The following TFCP2 variants were observed in gnomAD, a reference collection of about 807,000 sequenced individuals.
The protein encoded by TFCP2 is transcription factor CP2.
TFCP2 carries 33 observed loss-of-function variants against 73.4 expected under a neutral mutation model. That is an observed-to-expected ratio of 0.45 (90% CI 0.34 to 0.60). The LOEUF (loss-of-function observed/expected upper bound fraction) is 0.60. Among genes scored for constraint, TFCP2 ranks in the 20% least tolerant of loss-of-function variants. TFCP2 has a pLI of 0.01. For missense variants in TFCP2, 352 were observed against 604.0 expected, an observed-to-expected ratio of 0.58 and a Z score of 4.37; for synonymous variants, 193 against 211.6, an observed-to-expected ratio of 0.91 and a Z score of 0.76.
chr12:51,168,958 C>T (rs888570862), intron 1 of TFCP2, among the ~76,000 whole-genome samples: 4 of 151,840 alleles, frequency 2.6e-5, no homozygotes, highest in East Asian at 3.9e-4. Context: ...TGCACCACCA[C>T]GCCCAACTAA....
chr12:51,115,320 C>T (rs1457698356), intron 4 of TFCP2, among the ~76,000 whole-genome samples: 1 of 151,986 alleles, frequency 6.6e-6, no homozygotes, highest in African/African-American at 2.4e-5. Context: ...CGGGGTTTCA[C>T]CATGTTAGCC....
intron 1 of TFCP2, among the ~76,000 whole-genome samples, chr12:51,167,575 T>G (rs1271107860): frequency 6.6e-6 from 1 of 151,910 alleles, no homozygotes; most frequent in African/African-American, 2.4e-5. Context: ...GTATTTTCAG[T>G]AGAGACAGGG....
Position 51,172,437 on chromosome 12 carries a change from T to C in TFCP2, c.-15A>G. ...GCCCAGGCCATCCTGGCTCCTTCCT[T>C]GCCCCAGGAGACACCGTGTCTTGTA... On this transcript the variant is annotated 5_prime_UTR_variant, in exon 1 of 15. Coordinates refer to ENST00000257915, the MANE Select transcript of TFCP2 (RefSeq NM_005653.5). 1 of 1,613,894 alleles carries C rather than the reference T, an allele frequency of 6.2e-7. No homozygotes were observed. Among genetic ancestry groups the C allele is most frequent in the East Asian group, 2.2e-5 (1 of 44,880 alleles).
intron 2 of TFCP2, 54 bp from the exon 3 acceptor site, chr12:51,117,801 T>C: frequency 1.6e-6 from 2 of 1,260,254 alleles, no homozygotes; most frequent in East Asian, 4.7e-5. Context: ...CTTTGCTAGA[T>C]TCGGAAAGAA....
rs746185739 is a variant in TFCP2 at position 51,110,976 on chromosome 12, C to T, written c.465G>A (p.Pro155=). 5.0e-6 allele frequency: 8 copies of T among 1,610,828 alleles called. No individual in the cohort carries two copies. Among genetic ancestry groups the T allele is most frequent in the Admixed American group, 1.7e-5 (1 of 59,992 alleles). Residue 155 remains proline (P), a synonymous_variant, in exon 5 of 15, where the codon CCG becomes CCA. Transcript: ENST00000257915. ...TAGGATCGATTATACCCACAGACATCGGGATATCTGAGAAACAAAATGGTA... is the reference window on the plus strand; with the variant it reads ...TAGGATCGATTATACCCACAGACATTGGGATATCTGAGAAACAAAATGGTA... ...PGDRILDIDI[P]MSVGIIDPRA...
rs1270085703 is a variant in TFCP2 at position 51,099,670 on chromosome 12, T to C, written c.1261A>G (p.Asn421Asp). The C allele has an allele frequency of 3.7e-6, 6 of 1,614,166 alleles. No homozygotes were observed. The highest frequency in any genetic ancestry group is 2.2e-5 in the South Asian group (2 of 91,080). Reference protein sequence around the residue: ...QQQKHEDGDSNGTFFVYHAIY... With the variant: ...QQQKHEDGDSDGTFFVYHAIY... ...AACAACCTACCGAAGAAAGTACCAT[T>C]TGAGTCTCCATCCTCATGCTTCTGC... Residue 421 changes from asparagine (N) to aspartate (D), a missense_variant, in exon 12 of 15, where the codon AAT (asparagine) becomes GAT (aspartate). Asn to Asp is a conservative substitution (Grantham distance 23). Transcript: ENST00000257915.
intron 1 of TFCP2, among the ~76,000 whole-genome samples, chr12:51,171,622 C>T (rs1175599390): frequency 2.0e-5 from 3 of 152,212 alleles, no homozygotes; most frequent in African/African-American, 4.8e-5. Context: ...AAGTGATCCG[C>T]CCGCCTCAGC....
chr12:51,140,231 G>A lies in TFCP2; in HGVS notation c.123-21459C>T, dbSNP rs534691186. ...TTTGCACAACTCATACTAATAAAATGATAGTATTGATTAACTATGATTTCA... is the reference window on the plus strand; with the variant it reads ...TTTGCACAACTCATACTAATAAAATAATAGTATTGATTAACTATGATTTCA... On this transcript the variant is annotated intron_variant, in intron 1 of 14. Coordinates refer to ENST00000257915, the MANE Select transcript of TFCP2 (RefSeq NM_005653.5). 7.9e-5 allele frequency among the ~76,000 whole-genome samples: 12 copies of A among 152,082 alleles called. No homozygotes were observed. The East Asian group carries it at 2.3e-3, about 29-fold the overall frequency.
At chr12:51,137,877 G>A (rs1941096719) in intron 1 of TFCP2, among the ~76,000 whole-genome samples, 1 of 152,146 alleles carries the variant, frequency 6.6e-6, no homozygotes, top group Admixed American at 6.5e-5. Context: ...ATAGTGCTGA[G>A]CCTCAAAGCT....
At chr12:51,171,376 T>C (rs1165371468) in intron 1 of TFCP2, among the ~76,000 whole-genome samples, 6 of 152,092 alleles carry the variant, frequency 3.9e-5, no homozygotes, top group Non-Finnish European at 7.4e-5. Context: ...GGAGTTTTTG[T>C]TTTGTTTTGC....
intron 6 of TFCP2, among the ~76,000 whole-genome samples, chr12:51,108,456 A>G (rs982379769): frequency 6.6e-6 from 1 of 152,052 alleles, no homozygotes; most frequent in African/African-American, 2.4e-5. Flanking sequence ...CAATGAGAAC[A>G]TATTTATTCA....
chr12:51,153,966 G>C (rs1366152144), intron 1 of TFCP2, among the ~76,000 whole-genome samples: 1 of 152,170 alleles, frequency 6.6e-6, no homozygotes, highest in Non-Finnish European at 1.5e-5. Flanking sequence ...TTTCCACAGT[G>C]AATGCACCAT....
intron 4 of TFCP2, among the ~76,000 whole-genome samples, chr12:51,113,983 A>C (rs1211836196): frequency 6.6e-6 from 1 of 152,124 alleles, no homozygotes; most frequent in Non-Finnish European, 1.5e-5. Context: ...TAAAACTATA[A>C]AACTCTTAGG....
At chr12:51,145,677 G>A (rs535881939) in intron 1 of TFCP2, among the ~76,000 whole-genome samples, 65 of 151,954 alleles carry the variant, frequency 4.3e-4, no homozygotes, top group African/African-American at 1.5e-3. Context: ...GCCAGGCATG[G>A]TGGCTAATGC....
chr12:51,140,370 C>T (rs1318493663), intron 1 of TFCP2, among the ~76,000 whole-genome samples: 1 of 151,666 alleles, frequency 6.6e-6, no homozygotes, highest in African/African-American at 2.4e-5. Context: ...TCAACACCAG[C>T]CTGAGTAATA....
chr12:51,149,180 C>G (rs1941368024), intron 1 of TFCP2, among the ~76,000 whole-genome samples: 1 of 151,914 alleles, frequency 6.6e-6, no homozygotes, highest in South Asian at 2.1e-4. Context: ...AATGGAAAAC[C>G]AAACATCGTA....
At chr12:51,132,434 T>C (rs1415398473) in intron 1 of TFCP2, among the ~76,000 whole-genome samples, 2 of 135,210 alleles carry the variant, frequency 1.5e-5, no homozygotes, top group South Asian at 5.1e-4. Context: ...AGTGGTGCCA[T>C]CTCGGCTCAC....
At chr12:51,162,537 T>C (rs1448891660) in intron 1 of TFCP2, among the ~76,000 whole-genome samples, 2 of 152,166 alleles carry the variant, frequency 1.3e-5, no homozygotes, top group Non-Finnish European at 2.9e-5. Context: ...ACCTAATTAA[T>C]ACATGCATTA....
intron 1 of TFCP2, among the ~76,000 whole-genome samples, chr12:51,168,175 T>C (rs983966807): frequency 6.6e-6 from 1 of 152,024 alleles, no homozygotes. Flanking sequence ...GGGGAAGAAC[T>C]GTTTGAGCCC....
Sources: gnomAD v4.1 joint callset for allele counts (sites outside exome capture counted in the v4.1 genomes callset) on GRCh38, gnomAD v4.1.1 for gene constraint, MANE v1.5 for transcripts, NCBI Gene and HGNC (gene_info 2026-07-23, HGNC 2026-07-21) for gene names.